The following EIF4E3 variants were observed in gnomAD, a reference collection of about 807,000 sequenced individuals.
The protein encoded by EIF4E3 is eukaryotic translation initiation factor 4E type 3.
A neutral mutation model predicts 31.7 loss-of-function variants in EIF4E3; 26 were observed. That is an observed-to-expected ratio of 0.82 (90% confidence interval 0.60 to 1.14). The LOEUF is 1.14. EIF4E3 is among the 50% of genes most tolerant of loss of function. The probability of loss-of-function intolerance (pLI) is 0.00; values close to 1 mark genes in which losing one functional copy is unlikely to be tolerated. For synonymous variants in EIF4E3, 128 were observed against 107.7 expected, an observed-to-expected ratio of 1.19 and a Z score of -1.17; for missense variants, 304 against 270.9, an observed-to-expected ratio of 1.12 and a Z score of -0.86.
chr3:71,715,234 C>A (rs2049447303), intron 1 of EIF4E3, among the ~76,000 whole-genome samples: 1 of 152,214 alleles, frequency 6.6e-6, no homozygotes, highest in South Asian at 2.1e-4. Context: ...GCCAGAATGT[C>A]CATGGTGCCC....
In EIF4E3 at chr3:71,739,464, G is replaced by A. The variant is rs548159289; in HGVS notation, c.-290-10841C>T. 3.3e-5 allele frequency among the ~76,000 whole-genome samples: 5 copies of A among 152,226 alleles called. No homozygotes were observed. In the East Asian group the frequency reaches 9.7e-4, roughly 29 times the overall value. On this transcript the variant is annotated intron_variant, in intron 1 of 7. Transcript: ENST00000295612. ...TAATCCCAGTACTTTGGGAGGCCAAGGCCAGAGGATCACCTGAGGCTATGT... is the reference window on the plus strand; with the variant it reads ...TAATCCCAGTACTTTGGGAGGCCAAAGCCAGAGGATCACCTGAGGCTATGT...
chr3:71,745,889 T>C (rs2049867232), intron 1 of EIF4E3, among the ~76,000 whole-genome samples: 1 of 152,208 alleles, frequency 6.6e-6, no homozygotes, highest in African/African-American at 2.4e-5. Flanking sequence ...AAAACCATTA[T>C]AGAAATATCA....
At chr3:71,662,964 A>G in the EIF4E3 span, among the ~76,000 whole-genome samples, 1 of 152,130 alleles carries the variant, frequency 6.6e-6, no homozygotes, top group Non-Finnish European at 1.5e-5. Context: ...CTTAGCACAC[A>G]TTTGCATCTG....
At chr3:71,725,457 C>CGCCCT, upstream of EIF4E3, 2 of 810,448 alleles carry the variant, frequency 2.5e-6, no homozygotes, top group Non-Finnish European at 3.0e-6. The surrounding 1 kb of genome is among the most constrained non-coding windows in gnomAD (Gnocchi z 6.1). Flanking sequence ...CGCCCCGCCC[C>CGCCCT]GCGCGCCCCG....
chr3:71,699,733 G>GTTTTTCT, intron 2 of EIF4E3, 25 bp from the exon 3 acceptor site: 1 of 1,572,252 alleles, frequency 6.4e-7, no homozygotes, highest in Non-Finnish European at 8.7e-7. Flanking sequence ...CAAACACTTT[G>GTTTTTCT]TTTAATATAC....
chr3:71,700,460 A>G (rs2049199858), intron 2 of EIF4E3, among the ~76,000 whole-genome samples: 1 of 151,968 alleles, frequency 6.6e-6, no homozygotes, highest in Non-Finnish European at 1.5e-5. Context: ...TAAAAATACA[A>G]AAAATTAGCC....
intron 2 of EIF4E3, among the ~76,000 whole-genome samples, chr3:71,704,620 T>C (rs2049265030): frequency 6.6e-6 from 1 of 152,180 alleles, no homozygotes; most frequent in South Asian, 2.1e-4. Flanking sequence ...TGGATGTGTG[T>C]GTACATAGCA....
chr3:71,729,798 A>ATTGTGTGTG (rs1491106706), upstream of EIF4E3, among the ~76,000 whole-genome samples: 3 of 129,692 alleles, frequency 2.3e-5, no homozygotes, highest in Admixed American at 8.1e-5. Flanking sequence ...TTCCAATAGA[A>ATTGTGTGTG]TGTGTGTGTG....
At position 71,678,406 on chromosome 3, in the gene EIF4E3, T is replaced by C. The variant is rs1410716933; in HGVS notation, c.*6276A>G. ...AGCAATATAGTCCCAAATTAGAAAA[T>C]TGCAAAACAGTCTAAACATTTGCAC... On this transcript the variant is annotated 3_prime_UTR_variant, in exon 7 of 7. Transcript: ENST00000425534. 4 of 152,116 alleles carry C rather than the reference T, an allele frequency of 2.6e-5. No individual in the cohort carries two copies. Among genetic ancestry groups the C allele is most frequent in the South Asian group, 2.1e-4 (1 of 4,820 alleles). The allele number at this position is 152,116 out of a possible 1,614,324, so 9.4% of individuals were successfully genotyped here.
At chr3:71,742,985 TGGAAG>T (rs1454729927) in intron 1 of EIF4E3, among the ~76,000 whole-genome samples, 1 of 152,184 alleles carries the variant, frequency 6.6e-6, no homozygotes, top group South Asian at 2.1e-4. Context: ...AAAGTAGGAA[TGGAAG>T]GGAACTTCCT....
At chr3:71,697,525 G>A (rs2049156428) in intron 3 of EIF4E3, among the ~76,000 whole-genome samples, 1 of 151,864 alleles carries the variant, frequency 6.6e-6, no homozygotes, top group Non-Finnish European at 1.5e-5. Flanking sequence ...CATTCTAACT[G>A]TATTTTTGTA....
intron 1 of EIF4E3, among the ~76,000 whole-genome samples, chr3:71,742,008 A>G (rs2049825998): frequency 6.6e-6 from 1 of 152,236 alleles, no homozygotes; most frequent in Admixed American, 6.5e-5. Context: ...GAATTCTACC[A>G]AAACAGTTCT....
chr3:71,743,704 A>G (rs1287779819), intron 1 of EIF4E3, among the ~76,000 whole-genome samples: 1 of 152,172 alleles, frequency 6.6e-6, no homozygotes, highest in Admixed American at 6.5e-5. Flanking sequence ...ATGCTCCCTG[A>G]TTTTAAGGCT....
intron 1 of EIF4E3, among the ~76,000 whole-genome samples, chr3:71,722,759 C>T (rs533056018): frequency 1.8e-4 from 27 of 152,304 alleles, no homozygotes; most frequent in South Asian, 6.2e-4. Flanking sequence ...ACAAGCTGCT[C>T]CAGAGACTGT....
At chr3:71,684,755 G>A (rs1159396364) in intron 6 of EIF4E3, 27 bp from the exon 7 acceptor site, 4 of 1,609,896 alleles carry the variant, frequency 2.5e-6, no homozygotes, top group East Asian at 2.2e-5. Context: ...AAACAAAAAA[G>A]AAAAAAAGGA....
At chr3:71,716,339 T>C (rs929060645) in intron 1 of EIF4E3, among the ~76,000 whole-genome samples, 5 of 152,052 alleles carry the variant, frequency 3.3e-5, no homozygotes, top group African/African-American at 4.8e-5. Context: ...TTCACGCCAT[T>C]CTCCTGCCTC....
chr3:71,696,559 T>C (rs1215051084), intron 3 of EIF4E3, 39 bp from the exon 4 acceptor site: 1 of 1,607,736 alleles, frequency 6.2e-7, no homozygotes, highest in African/African-American at 1.3e-5. Flanking sequence ...CACTCAGGAC[T>C]AAGTGATTCT....
At chr3:71,697,048 C>T (rs1385843187) in intron 3 of EIF4E3, among the ~76,000 whole-genome samples, 1 of 151,854 alleles carries the variant, frequency 6.6e-6, no homozygotes, top group Non-Finnish European at 1.5e-5. Context: ...CTAGGTCTCA[C>T]TCTGTCACCC....
At chr3:71,729,614 A>T (rs191091322), upstream of EIF4E3, among the ~76,000 whole-genome samples, 2 of 152,332 alleles carry the variant, frequency 1.3e-5, no homozygotes, top group Non-Finnish European at 2.9e-5. Context: ...AAATGAGAAA[A>T]TGTATATGTC....
Sources: gnomAD v4.1 joint callset for allele counts (sites outside exome capture counted in the v4.1 genomes callset) on GRCh38, gnomAD v4.1.1 for gene constraint, Gnocchi (gnomAD v3.1) non-coding constraint, MANE v1.5 for transcripts, NCBI Gene and HGNC (gene_info 2026-07-23, HGNC 2026-07-21) for gene names.